FHIT: variants seen among roughly 807,000 people sequenced by gnomAD.
The protein encoded by FHIT is fragile histidine triad diadenosine triphosphatase.
A neutral mutation model predicts 17.9 loss-of-function variants in FHIT; 19 were observed. That is an observed-to-expected ratio of 1.06 (90% CI 0.74 to 1.56). The LOEUF (loss-of-function observed/expected upper bound fraction) is 1.56, where lower values mean the gene tolerates loss of function less well. FHIT is among the 40% of genes most tolerant of loss of function. The pLI is 0.00. For synonymous variants in FHIT, 81 were observed against 69.7 expected (o/e 1.16, Z -0.81); for missense variants, 248 against 189.2 (o/e 1.31, Z -1.82).
intron 5 of FHIT, among the ~76,000 whole-genome samples, chr3:60,136,322 C>G (rs572497125): frequency 6.6e-6 from 1 of 152,208 alleles, no homozygotes; most frequent in African/African-American, 2.4e-5. Flanking sequence ...CTAACAGAGC[C>G]AAGGGCTATA....
At chr3:60,562,425 G>C (rs1193873938) in intron 4 of FHIT, among the ~76,000 whole-genome samples, 2 of 152,282 alleles carry the variant, frequency 1.3e-5, no homozygotes, top group East Asian at 3.9e-4. Flanking sequence ...TGGCCAGGTG[G>C]CGTCTCCAAG....
At chr3:60,231,191 T>C (rs577014523) in intron 5 of FHIT, among the ~76,000 whole-genome samples, 67 of 152,348 alleles carry the variant, frequency 4.4e-4, no homozygotes, top group Non-Finnish European at 6.3e-4. Context: ...AGATATATTA[T>C]TCTCCTTCTT....
intron 7 of FHIT, among the ~76,000 whole-genome samples, chr3:59,992,939 T>G (rs1390851329): frequency 1.3e-5 from 2 of 152,110 alleles, no homozygotes; most frequent in African/African-American, 4.8e-5. Flanking sequence ...GATGATATTT[T>G]TCTTTAAACA....
chr3:60,207,037 T>A (rs918673859), intron 5 of FHIT, among the ~76,000 whole-genome samples: 1 of 152,026 alleles, frequency 6.6e-6, no homozygotes, highest in East Asian at 1.9e-4. Flanking sequence ...AAAGTGATCT[T>A]TAGAGATATG....
intron 5 of FHIT, among the ~76,000 whole-genome samples, chr3:60,016,879 C>G (rs1039474386): frequency 1.3e-5 from 2 of 152,162 alleles, no homozygotes; most frequent in African/African-American, 4.8e-5. Flanking sequence ...CACTTTTGTA[C>G]GTACTCTTAC....
chr3:61,035,404 TCTC>T (rs1463564170), intron 3 of FHIT, among the ~76,000 whole-genome samples: 3 of 152,124 alleles, frequency 2.0e-5, no homozygotes, highest in Non-Finnish European at 2.9e-5. Flanking sequence ...AGTCCTCACT[TCTC>T]CTCCAAAAAA....
At chr3:60,934,267 A>G (rs555782826) in intron 3 of FHIT, among the ~76,000 whole-genome samples, 1 of 152,260 alleles carries the variant, frequency 6.6e-6, no homozygotes, top group African/African-American at 2.4e-5. Flanking sequence ...TGATTCCTGT[A>G]CAGCCCTATC....
intron 4 of FHIT, among the ~76,000 whole-genome samples, chr3:60,713,134 C>T (rs1379607817): frequency 1.5e-4 from 23 of 152,172 alleles, no homozygotes; most frequent in African/African-American, 4.6e-4. Flanking sequence ...CACTCAAAAC[C>T]GCTCAACTAC....
intron 5 of FHIT, among the ~76,000 whole-genome samples, chr3:60,523,911 A>G (rs2035472790): frequency 6.6e-6 from 1 of 152,198 alleles, no homozygotes; most frequent in Non-Finnish European, 1.5e-5. Context: ...TGTTAGGTAC[A>G]TAGAAATCCT....
chr3:59,775,409 C>G (rs907438677), intron 8 of FHIT, among the ~76,000 whole-genome samples: 3 of 152,190 alleles, frequency 2.0e-5, no homozygotes, highest in Non-Finnish European at 4.4e-5. Flanking sequence ...CTCTAGGTGC[C>G]TACCTCAGTG....
At chr3:61,086,247 G>T (rs900406418) in intron 2 of FHIT, among the ~76,000 whole-genome samples, 9 of 152,048 alleles carry the variant, frequency 5.9e-5, no homozygotes, top group African/African-American at 1.7e-4. Flanking sequence ...AAAATATATA[G>T]AGAGTCTTTA....
chr3:60,388,607 G>C (rs747283603), intron 5 of FHIT, among the ~76,000 whole-genome samples: 1 of 151,976 alleles, frequency 6.6e-6, no homozygotes, highest in African/African-American at 2.4e-5. Flanking sequence ...CAAACAAAAC[G>C]AAACCACCAC....
chr3:59,967,669 C>A (rs1707988733), intron 7 of FHIT, among the ~76,000 whole-genome samples: 2 of 152,112 alleles, frequency 1.3e-5, no homozygotes, highest in African/African-American at 4.8e-5. Flanking sequence ...CACGAAGAGC[C>A]AGCATGGCTC....
chr3:59,818,520 A>AG (rs1700682492), intron 8 of FHIT, among the ~76,000 whole-genome samples: 1 of 89,684 alleles, frequency 1.1e-5, no homozygotes, highest in African/African-American at 3.1e-5. Flanking sequence ...ATAGTCCAGG[A>AG]GGTAAAATGT....
chr3:60,437,578 A>G (rs75245419), intron 5 of FHIT, among the ~76,000 whole-genome samples: 5 of 152,092 alleles, frequency 3.3e-5, no homozygotes, highest in Non-Finnish European at 1.5e-5. Context: ...CATTCCAGCA[A>G]TGATCAACCC....
intron 5 of FHIT, among the ~76,000 whole-genome samples, chr3:60,390,395 C>CAAAAAAAAAAAAAAAAA (rs1701172943): frequency 2.2e-5 from 1 of 45,092 alleles, no homozygotes; most frequent in African/African-American, 1.3e-4. Flanking sequence ...TGTAATGGAG[C>CAAAAAAAAAAAAAAAAA]TAAAAAAAAA....
chr3:60,248,371 T>C (rs1705512387), intron 5 of FHIT, among the ~76,000 whole-genome samples: 1 of 152,140 alleles, frequency 6.6e-6, no homozygotes, highest in African/African-American at 2.4e-5. Context: ...ATAAGAAGCA[T>C]TTACCTTGCT....
intron 5 of FHIT, among the ~76,000 whole-genome samples, chr3:60,404,745 A>C (rs898832139): frequency 5.9e-5 from 9 of 152,168 alleles, no homozygotes; most frequent in Non-Finnish European, 1.5e-5. Context: ...GTAAGTTTTT[A>C]AAGTCAGGGA....
In FHIT at chr3:60,208,198, A is replaced by T. The variant is rs114297488; in HGVS notation, c.104-194046T>A. On this transcript the variant is annotated intron_variant, in intron 5 of 9. Coordinates refer to ENST00000492590, the MANE Select transcript of FHIT (RefSeq NM_002012.4). ...GCAAGCGTGATATGTCATACTGATGACGTGTTAAGCTGAGGAAATTTCCAC... is the reference window on the plus strand; with the variant it reads ...GCAAGCGTGATATGTCATACTGATGTCGTGTTAAGCTGAGGAAATTTCCAC... Among the ~76,000 whole-genome samples, 342 of 152,338 alleles carry T rather than the reference A, an allele frequency of 2.2e-3. 1 individual carries two copies. The highest frequency in any genetic ancestry group is 7.9e-3 in the African/African-American group (328 of 41,594).
Sources: allele counts gnomAD v4.1 joint callset (sites outside exome capture counted in the v4.1 genomes callset), GRCh38; gene constraint gnomAD v4.1.1; transcripts MANE v1.5; gene names NCBI Gene and HGNC (gene_info 2026-07-23, HGNC 2026-07-21).